Variants in QSOX2 observed in about 807,000 individuals in gnomAD.
QSOX2 encodes the protein quiescin sulfhydryl oxidase 2, also known as sulfhydryl oxidase 2.
Under a neutral mutation model 61.7 loss-of-function variants are expected in QSOX2, and 46 were observed. The observed-to-expected ratio is 0.75, with a 90% CI of 0.59 to 0.95. The LOEUF (loss-of-function observed/expected upper bound fraction) is 0.95. Among genes scored for constraint, QSOX2 ranks in the 40% least tolerant of loss-of-function variants. The pLI is 0.00. For synonymous variants in QSOX2, 383 were observed against 388.4 expected, an observed-to-expected ratio of 0.99 and a Z score of 0.16; for missense variants, 879 against 918.9, an observed-to-expected ratio of 0.96 and a Z score of 0.56.
intron 11 of QSOX2, chr9:136,210,718 A>G (rs1831833701): frequency 1.0e-6 from 1 of 985,122 alleles, no homozygotes; most frequent in Middle Eastern, 5.2e-4. Context: ...TTTTCTATTC[A>G]TCTCTATTAA....
chr9:136,212,033 C>G (rs534293871), intron 10 of QSOX2, among the ~76,000 whole-genome samples: 1 of 152,370 alleles, frequency 6.6e-6, no homozygotes, highest in Non-Finnish European at 1.5e-5. Flanking sequence ...GGATGTGGAG[C>G]AGGTGGGCAG....
At chr9:136,211,477 CAACGGCAG>C (rs1831844798) in intron 10 of QSOX2, 25 bp from the exon 11 acceptor site, 1 of 1,608,946 alleles carries the variant, frequency 6.2e-7, no homozygotes, top group South Asian at 1.1e-5. Context: ...ACACTGCTGA[CAACGGCAG>C]GTGCGTGGGC....
chr9:136,231,726 T>C (rs1408827710), intron 1 of QSOX2, among the ~76,000 whole-genome samples: 1 of 152,230 alleles, frequency 6.6e-6, no homozygotes, highest in African/African-American at 2.4e-5. Flanking sequence ...CTTAATGCTT[T>C]GGAAGCACCC....
In QSOX2 at chr9:136,208,906, C is replaced by G. The variant is rs982666194; in HGVS notation, c.1919G>C (p.Gly640Ala). Residue 640 changes from glycine to alanine, a missense_variant, in exon 12 of 12, where the codon GGG (glycine) becomes GCG (alanine). By Grantham distance (60) the Gly-to-Ala change is moderately conservative. Coordinates refer to ENST00000358701, the MANE Select transcript of QSOX2 (RefSeq NM_181701.4). ...GGCCCCGCCCACCTCCTTGTGGGCC[C>G]CGGGCCCATCCAGACTCTGGAGTTT... is the stretch of plus-strand genomic sequence containing the variant. Reference protein sequence around the residue: ...DGKLQSLDGPGAHKEVGGAAP... With the variant: ...DGKLQSLDGPAAHKEVGGAAP... 6.2e-7 allele frequency: 1 copy of G among 1,613,962 alleles called. No homozygotes were observed. Among genetic ancestry groups the G allele is most frequent in the East Asian group, 2.2e-5 (1 of 44,874 alleles).
intron 1 of QSOX2, among the ~76,000 whole-genome samples, chr9:136,237,712 T>TC (rs1830400044): frequency 1.6e-5 from 1 of 64,368 alleles, no homozygotes; most frequent in African/African-American, 6.3e-5. Context: ...TGGAGCCTGC[T>TC]CTGGGCCGGC....
At chr9:136,226,180 G>A (rs1178340726) in intron 2 of QSOX2, among the ~76,000 whole-genome samples, 1 of 152,214 alleles carries the variant, frequency 6.6e-6, no homozygotes, top group Admixed American at 6.5e-5. Context: ...GGCCCAAGGC[G>A]CCCACGTTTC....
intron 1 of QSOX2, among the ~76,000 whole-genome samples, chr9:136,236,204 CAG>C (rs1294066478): frequency 6.6e-6 from 1 of 152,226 alleles, no homozygotes; most frequent in Non-Finnish European, 1.5e-5. Flanking sequence ...CTGCTCCGCA[CAG>C]AGAGCCAGGT....
intron 6 of QSOX2, 150 bp from the exon 7 acceptor site, chr9:136,219,314 C>G: frequency 1.1e-6 from 1 of 924,968 alleles, no homozygotes; most frequent in Non-Finnish European, 1.6e-6. Flanking sequence ...GCTGACACCC[C>G]GCCTGGGCTC....
At position 136,211,399 on chromosome 9, in the gene QSOX2, T is replaced by C. The variant is rs780229291; in HGVS notation, c.1414A>G (p.Thr472Ala). Residue 472 changes from threonine (T) to alanine (A), a missense_variant, in exon 11 of 12, where the codon ACC (threonine) becomes GCC (alanine). Coordinates refer to ENST00000358701, the MANE Select transcript of QSOX2 (RefSeq NM_181701.4). ...VLQTMRRYVH[T>A]FFGCKECGEH... is the part of the protein sequence containing the mutation. ...CCACATTCCTTACACCCAAAGAAGG[T>C]GTGAACGTACCTCCTCATTGTCTGC... is the stretch of plus-strand genomic sequence containing the variant. The C allele has an allele frequency of 3.1e-6, 5 of 1,614,042 alleles. No individual in the cohort carries two copies. The highest frequency in any genetic ancestry group is 2.7e-5 in the African/African-American group (2 of 74,934).
chr9:136,245,543 G>A lies in QSOX2; in HGVS notation c.261C>T (p.Tyr87=), dbSNP rs1830466101. 1 of 1,591,878 alleles carries A rather than the reference G, an allele frequency of 6.3e-7. No homozygotes were observed. Among genetic ancestry groups the A allele is most frequent in the African/African-American group, 1.4e-5 (1 of 73,664 alleles). ...NSSAAWLVQF[Y]SSWCGHCIGY... is the part of the protein sequence containing the mutation. ...CGATGCAGTGGCCACACCACGACGA[G>A]TAGAACTGCACGAGCCACGCGGCCG... Residue 87 remains tyrosine (Y), a synonymous_variant, in exon 1 of 12, where the codon TAC becomes TAT. Coordinates refer to ENST00000358701, the MANE Select transcript of QSOX2 (RefSeq NM_181701.4).
intron 10 of QSOX2, among the ~76,000 whole-genome samples, chr9:136,211,991 G>C (rs1351292937): frequency 6.6e-6 from 1 of 152,250 alleles, no homozygotes; most frequent in Non-Finnish European, 1.5e-5. Flanking sequence ...CTTAGGAAGT[G>C]ACTCTTAAGC....
Position 136,217,187 on chromosome 9 carries a change from G to A in QSOX2, c.1087-465C>T, listed in dbSNP as rs1010284935. Among the ~76,000 whole-genome samples, 8 of 152,368 alleles carry A rather than the reference G, an allele frequency of 5.3e-5. No homozygotes were observed. In the South Asian group the frequency reaches 8.3e-4, roughly 16 times the overall value. On this transcript the variant is annotated intron_variant, in intron 8 of 11. Transcript: ENST00000358701. ...CGGCAGTGCACATGCGCCGGCAGCC[G>A]GGGCTAACTGCCTATGGGCTTGTGT... is the stretch of plus-strand genomic sequence containing the variant.
chr9:136,237,993 C>T (rs1172094356), intron 1 of QSOX2, among the ~76,000 whole-genome samples: 1 of 152,224 alleles, frequency 6.6e-6, no homozygotes, highest in Non-Finnish European at 1.5e-5. Context: ...AAAACCACAA[C>T]CTTTGGGCTT....
intron 2 of QSOX2, among the ~76,000 whole-genome samples, chr9:136,226,002 A>G (rs770681962): frequency 5.9e-5 from 9 of 152,186 alleles, no homozygotes; most frequent in Non-Finnish European, 1.2e-4. Context: ...GGTGCCGCCC[A>G]GCGTGGCACC....
In QSOX2 at chr9:136,224,177, C is replaced by T. The variant is rs1171755274; in HGVS notation, c.479-65G>A. On this transcript the variant is annotated intron_variant, in intron 3 of 11. Transcript: ENST00000358701. ...TGTCCTCGTGGGGCAGGCATACACC[C>T]AGGGACAGCAGCCCCGTCCCAGCCT... is the stretch of plus-strand genomic sequence containing the variant. The T allele has an allele frequency of 1.2e-5, 16 of 1,282,530 alleles. No homozygotes were observed. In the Admixed American group the frequency reaches 2.7e-4, roughly 22 times the overall value. 79.4% of individuals were successfully genotyped at this position (1,282,530 alleles called of 1,614,324 possible).
chr9:136,232,932 A>AAAAAAAG (rs1830344711), intron 1 of QSOX2, among the ~76,000 whole-genome samples: 7 of 149,222 alleles, frequency 4.7e-5, no homozygotes, highest in African/African-American at 1.5e-4. Context: ...AAAAAAAAAA[A>AAAAAAAG]AAAAAAGAAA....
At chr9:136,215,054 T>C in intron 10 of QSOX2, 100 bp downstream of exon 10, 2 of 1,390,742 alleles carry the variant, frequency 1.4e-6, no homozygotes, top group Non-Finnish European at 1.9e-6. Context: ...CCTGGCGACA[T>C]GCTGCCTCCC....
At chr9:136,215,866 G>C (rs191717274) in intron 9 of QSOX2, among the ~76,000 whole-genome samples, 101 of 152,342 alleles carry the variant, frequency 6.6e-4, no homozygotes, top group African/African-American at 2.3e-3. Context: ...GCTCTCGAGG[G>C]AGATGTCACA....
At position 136,245,748 on chromosome 9, in the gene QSOX2, G is replaced by C. The variant is rs1588643986; in HGVS notation, c.56C>G (p.Ala19Gly). The C allele has an allele frequency of 8.7e-7, 1 of 1,148,344 alleles. No individual in the cohort carries two copies. Among genetic ancestry groups the C allele is most frequent in the East Asian group, 4.0e-5 (1 of 24,972 alleles). 71.1% of individuals were successfully genotyped at this position (1,148,344 alleles called of 1,614,324 possible). ...ARSPGIGAGP[A>G]LRARRSPPPR... The stretch of plus-strand genomic sequence containing the variant: ...CGGGGGCGAGCGCCGGGCTCTCAGC[G>C]CAGGTCCCGCTCCGATTCCCGGGCT... The change falls in exon 1 of 12, where the codon GCG becomes GGG. Residue 19 changes from alanine to glycine, a missense_variant. Transcript: ENST00000358701.
Sources: allele counts gnomAD v4.1 joint callset (sites outside exome capture counted in the v4.1 genomes callset), GRCh38; gene constraint gnomAD v4.1.1; transcripts MANE v1.5; gene names NCBI Gene and HGNC (gene_info 2026-07-23, HGNC 2026-07-21).